Variants in TIRAP observed in about 807,000 individuals in gnomAD.
TIRAP encodes the protein toll/interleukin-1 receptor domain-containing adapter protein.
A neutral mutation model predicts 19.8 loss-of-function variants in TIRAP; 20 were observed. That is an observed-to-expected ratio of 1.01 (90% CI 0.71 to 1.47). TIRAP has a LOEUF of 1.47. Ranked by LOEUF, TIRAP falls within the 40% of genes most tolerant of loss-of-function variation. The pLI, the probability that TIRAP is intolerant of heterozygous loss-of-function variation, is 0.00. For missense variants in TIRAP, 276 were observed against 285.1 expected (o/e 0.97, Z 0.23); for synonymous variants, 125 against 121.7 (o/e 1.03, Z -0.18).
rs1379555462 is a variant in TIRAP, at chr11:126,291,354, G to A, written c.67+393G>A. The A allele has an allele frequency of 2.1e-6, 2 of 935,794 alleles. No individual in the cohort carries two copies. The highest frequency in any genetic ancestry group is 3.0e-6 in the Non-Finnish European group (2 of 660,990). 58.0% of individuals were successfully genotyped at this position (935,794 alleles called of 1,614,324 possible). A position where few individuals can be genotyped will look rare whatever the true frequency, so the allele number is the denominator to read the frequency against. On this transcript the variant is annotated intron_variant, in intron 3 of 4. Transcript: ENST00000392679. The surrounding 1 kb of genome is among the most constrained non-coding windows in gnomAD (Gnocchi z 5.6). ...CTATCTGTCCTTATCAAAGGCTGGG[G>A]AAGCTGTTTTCATCTCCTTATGGAG...
chr11:126,293,828 C>A lies in TIRAP; in HGVS notation c.*141C>A. ...TTTGCTCGTGACCCTGGGATCAGAGCACCCATCAGGCTTCCATTACTGTGG... is the reference window on the plus strand; with the variant it reads ...TTTGCTCGTGACCCTGGGATCAGAGAACCCATCAGGCTTCCATTACTGTGG... On this transcript the variant is annotated 3_prime_UTR_variant, in exon 5 of 5. Coordinates refer to ENST00000392679, the MANE Select transcript of TIRAP (RefSeq NM_001318777.2). 1 of 920,062 alleles carries A rather than the reference C, an allele frequency of 1.1e-6. No individual in the cohort carries two copies. Among genetic ancestry groups the A allele is most frequent in the Non-Finnish European group, 1.8e-6 (1 of 570,218 alleles). 57.0% of individuals were successfully genotyped at this position (920,062 alleles called of 1,614,324 possible).
chr11:126,283,621 TACACACGGGCTGGGCAGCCACTG>T (rs1382575740), intron 1 of TIRAP, among the ~76,000 whole-genome samples: 2 of 152,210 alleles, frequency 1.3e-5, no homozygotes, highest in African/African-American at 4.8e-5. Flanking sequence ...CATGGGCAGC[TACACACGGGCTGGGCAGCCACTG>T]TGCCAACGAC....
At chr11:126,292,375 T>C in intron 3 of TIRAP, 102 bp from the exon 4 acceptor site, 2 of 1,236,436 alleles carry the variant, frequency 1.6e-6, no homozygotes, top group South Asian at 1.3e-5. Context: ...GGAGGTGGGC[T>C]GCAGTCTGTC....
In TIRAP at chr11:126,287,990, A is replaced by G. The variant is rs943713927; in HGVS notation, c.-216-2472A>G. 2.0e-5 allele frequency among the ~76,000 whole-genome samples: 3 copies of G among 151,928 alleles called. No homozygotes were observed. In the East Asian group the frequency reaches 5.8e-4, roughly 29 times the overall value. On this transcript the variant is annotated intron_variant, in intron 1 of 4. Transcript: ENST00000392679. This position sits in a 1 kb window ranked among gnomAD's most constrained non-coding sequence, Gnocchi z 4.2. ...GCTGGTCTTGAACTCCTGAGCTCAC[A>G]TGATCTGCCCACCTCGGCCTCCCAA...
At position 126,283,150 on chromosome 11, in the gene TIRAP, G is replaced by A; in HGVS notation, c.-220G>A. ...GCCCTCATCGCAACTGGGCCCGCGC[G>A]CAGGTGAGCCCGGGGCGGGGTCGCG... On this transcript the variant is annotated 5_prime_UTR_variant, in exon 1 of 5. Transcript: ENST00000392679. 1 of 984,808 alleles carries A rather than the reference G, an allele frequency of 1.0e-6. No homozygotes were observed. The allele number at this position is 984,808 out of a possible 1,614,324, so 61.0% of individuals were successfully genotyped here. A position where few individuals can be genotyped will look rare whatever the true frequency, so the allele number is the denominator to read the frequency against.
chr11:126,293,303 G>C, intron 4 of TIRAP: 1 of 747,002 alleles, frequency 1.3e-6, no homozygotes, highest in Non-Finnish European at 2.3e-6. Flanking sequence ...AATGAGAACA[G>C]TATATACACG....
In TIRAP at chr11:126,287,766, T is replaced by A. The variant is rs1951338162; in HGVS notation, c.-216-2696T>A. ...TCTTTACTAATTTTCTTTTCTTTAT[T>A]TTTTTGAGATCGAGTCTCGCTCTGT... On this transcript the variant is annotated intron_variant, in intron 1 of 4. Coordinates refer to ENST00000392679, the MANE Select transcript of TIRAP (RefSeq NM_001318777.2). The surrounding 1 kb of genome is among the most constrained non-coding windows in gnomAD (Gnocchi z 4.2). Among the ~76,000 whole-genome samples, 1 of 152,060 alleles carries A rather than the reference T, an allele frequency of 6.6e-6. No homozygotes were observed. Among genetic ancestry groups the A allele is most frequent in the Non-Finnish European group, 1.5e-5 (1 of 68,014 alleles).
In TIRAP at chr11:126,293,830, C is replaced by T; in HGVS notation, c.*143C>T. 1 of 898,220 alleles carries T rather than the reference C, an allele frequency of 1.1e-6. No homozygotes were observed. Among genetic ancestry groups the T allele is most frequent in the South Asian group, 1.4e-5 (1 of 72,996 alleles). 55.6% of individuals were successfully genotyped at this position (898,220 alleles called of 1,614,324 possible). On this transcript the variant is annotated 3_prime_UTR_variant, in exon 5 of 5. Transcript: ENST00000392679. ...TGCTCGTGACCCTGGGATCAGAGCA[C>T]CCATCAGGCTTCCATTACTGTGGGC...
intron 1 of TIRAP, among the ~76,000 whole-genome samples, chr11:126,283,703 G>A (rs538793361): frequency 3.3e-5 from 5 of 152,172 alleles, no homozygotes; most frequent in Admixed American, 1.3e-4. Context: ...GGTCCCCAGG[G>A]GACAGACAGG....
chr11:126,294,116 G>A lies in TIRAP; in HGVS notation c.*429G>A, dbSNP rs1951443362. On this transcript the variant is annotated 3_prime_UTR_variant, in exon 5 of 5. Transcript: ENST00000392679. ...GGCGTACACTGGTATCCCTCCTAAAGAAGTGACTCACCTGACTGATCAGCA... is the reference window on the plus strand; with the variant it reads ...GGCGTACACTGGTATCCCTCCTAAAAAAGTGACTCACCTGACTGATCAGCA... The A allele has an allele frequency of 3.9e-6, 1 of 259,182 alleles. No homozygotes were observed. Among genetic ancestry groups the A allele is most frequent in the African/African-American group, 2.2e-5 (1 of 44,912 alleles). The allele number at this position is 259,182 out of a possible 1,614,324, so 16.1% of individuals were successfully genotyped here.
chr11:126,293,343 A>G (rs1307243206), intron 4 of TIRAP: 3 of 713,022 alleles, frequency 4.2e-6, no homozygotes, highest in East Asian at 2.7e-5. Flanking sequence ...TAGCACATGT[A>G]TTCATAACAG....
In TIRAP at chr11:126,292,902, C is replaced by T. The variant is rs1413397503; in HGVS notation, c.493C>T (p.Leu165=). The change falls in exon 4 of 5, where the codon CTG becomes TTG. Residue 165 remains leucine, a synonymous_variant. Transcript: ENST00000392679. ...PWCKYQMLQA[L]TEAPGAEGCT... ...GTGCAAGTACCAGATGCTGCAGGCC[C>T]TGACCGAGGCTCCAGGGGCCGAGGG... 1.2e-6 allele frequency: 2 copies of T among 1,613,578 alleles called. No homozygotes were observed. The highest frequency in any genetic ancestry group is 4.5e-5 in the East Asian group (2 of 44,892).
chr11:126,290,870 C>G lies in TIRAP; in HGVS notation c.-25C>G, dbSNP rs547712649. 1 of 1,593,266 alleles carries G rather than the reference C, an allele frequency of 6.3e-7. No individual in the cohort carries two copies. The highest frequency in any genetic ancestry group is 8.6e-7 in the Non-Finnish European group (1 of 1,168,238). ...CCCCCTTCACCAATGCCTGGTCTCA[C>G]GGGGCTAGTTTTGACCCCCACGCTA... On this transcript the variant is annotated 5_prime_UTR_variant, in exon 3 of 5. Transcript: ENST00000392679. This position sits in a 1 kb window ranked among gnomAD's most constrained non-coding sequence, Gnocchi z 4.9.
chr11:126,283,141 G>C lies in TIRAP; in HGVS notation c.-229G>C. On this transcript the variant is annotated 5_prime_UTR_variant, in exon 1 of 5. Coordinates refer to ENST00000392679, the MANE Select transcript of TIRAP (RefSeq NM_001318777.2). ...GTCCGCGCAGCCCTCATCGCAACTG[G>C]GCCCGCGCGCAGGTGAGCCCGGGGC... 1 of 984,978 alleles carries C rather than the reference G, an allele frequency of 1.0e-6. No individual in the cohort carries two copies. Among genetic ancestry groups the C allele is most frequent in the East Asian group, 1.1e-4 (1 of 8,772 alleles). 61.0% of individuals were successfully genotyped at this position (984,978 alleles called of 1,614,324 possible).
rs1403738731 is a variant in TIRAP, at chr11:126,292,859, C to T, written c.450C>T (p.Gly150=). 1.2e-6 allele frequency: 2 copies of T among 1,613,220 alleles called. No homozygotes were observed. Among genetic ancestry groups the T allele is most frequent in the Non-Finnish European group, 1.7e-6 (2 of 1,179,986 alleles). Residue 150 remains glycine, a synonymous_variant, in exon 4 of 5, where the codon GGC becomes GGT. Coordinates refer to ENST00000392679, the MANE Select transcript of TIRAP (RefSeq NM_001318777.2). ...SHCRVLLITP[G]FLQDPWCKYQ... ...GCCGGGTGCTGCTCATCACGCCGGG[C>T]TTCCTTCAGGACCCCTGGTGCAAGT...
chr11:126,287,124 C>T lies in TIRAP; in HGVS notation c.-216-3338C>T, dbSNP rs1478433141. On this transcript the variant is annotated intron_variant, in intron 1 of 4. Transcript: ENST00000392679. This position sits in a 1 kb window ranked among gnomAD's most constrained non-coding sequence, Gnocchi z 4.2. Reference sequence around the variant, plus strand: ...CACGGAAGGTAACATATTCTCAGTTCCGGGGATTAGGATGTGGGCCTCTTT... The same window carrying T: ...CACGGAAGGTAACATATTCTCAGTTTCGGGGATTAGGATGTGGGCCTCTTT... Among the ~76,000 whole-genome samples, 1 of 152,180 alleles carries T rather than the reference C, an allele frequency of 6.6e-6. No individual in the cohort carries two copies. Among genetic ancestry groups the T allele is most frequent in the Non-Finnish European group, 1.5e-5 (1 of 68,040 alleles).
chr11:126,293,044 C>T lies in TIRAP; in HGVS notation c.635C>T (p.Ala212Val). The change falls in exon 4 of 5, where the codon GCT (alanine) becomes GTT (valine). Residue 212 changes from alanine to valine, a missense_variant. Physicochemically the swap from Ala to Val is moderately conservative, Grantham distance 64. Coordinates refer to ENST00000392679, the MANE Select transcript of TIRAP (RefSeq NM_001318777.2). ...PDGGFRQVKEAVMRYLQTLS is the reference protein window; with the variant it reads ...PDGGFRQVKEVVMRYLQTLS ...GGTGGCTTTCGTCAAGTCAAAGAAG[C>T]TGTCATGCGTTGTAAGCTACTACAG... 1 of 1,614,198 alleles carries T rather than the reference C, an allele frequency of 6.2e-7. No individual in the cohort carries two copies. The highest frequency in any genetic ancestry group is 2.2e-5 in the East Asian group (1 of 44,890).
chr11:126,291,956 C>G lies in TIRAP; in HGVS notation c.68-521C>G, dbSNP rs1265493938. ...ACATAAGGATTCCAGAGTTCTGACACGTCCAAAACCTTTACCTTTAGAGGG... is the reference window on the plus strand; with the variant it reads ...ACATAAGGATTCCAGAGTTCTGACAGGTCCAAAACCTTTACCTTTAGAGGG... On this transcript the variant is annotated intron_variant, in intron 3 of 4. Transcript: ENST00000392679. The surrounding 1 kb of genome is among the most constrained non-coding windows in gnomAD (Gnocchi z 5.6). 6.6e-6 allele frequency among the ~76,000 whole-genome samples: 1 copy of G among 151,934 alleles called. No individual in the cohort carries two copies. The highest frequency in any genetic ancestry group is 1.5e-5 in the Non-Finnish European group (1 of 68,022).
At chr11:126,293,636 G>C in intron 4 of TIRAP, 32 bp from the exon 5 acceptor site, 12 of 1,612,772 alleles carry the variant, frequency 7.4e-6, no homozygotes, top group Non-Finnish European at 1.0e-5. Context: ...GGGTTTGGGA[G>C]GTGTGACAAC....
Sources: gnomAD v4.1 joint callset for allele counts (sites outside exome capture counted in the v4.1 genomes callset) on GRCh38, gnomAD v4.1.1 for gene constraint, Gnocchi (gnomAD v3.1) non-coding constraint, MANE v1.5 for transcripts, NCBI Gene and HGNC (gene_info 2026-07-23, HGNC 2026-07-21) for gene names.